The following SAMD3 variants were observed in gnomAD, a reference collection of about 807,000 sequenced individuals.
The protein encoded by SAMD3 is sterile alpha motif domain containing 3, also known as sterile alpha motif domain-containing protein 3.
Under a neutral mutation model 58.5 loss-of-function variants are expected in SAMD3, and 63 were observed. The observed-to-expected ratio is 1.08, with a 90% CI of 0.88 to 1.33. SAMD3 has a LOEUF of 1.33. SAMD3 is among the 40% of genes most tolerant of loss of function. The pLI is 0.00. For missense variants in SAMD3, 604 were observed against 608.4 expected (o/e 0.99, Z 0.08); for synonymous variants, 220 against 210.3 (o/e 1.05, Z -0.40).
chr6:130,271,356 C>CTA (rs1448663075), intron 2 of SAMD3, among the ~76,000 whole-genome samples: 10 of 152,248 alleles, frequency 6.6e-5, no homozygotes, highest in African/African-American at 2.4e-4. Context: ...TCCCTGTGTA[C>CTA]TATCAAGCTA....
At chr6:130,274,854 T>C (rs933535496) in intron 2 of SAMD3, among the ~76,000 whole-genome samples, 4 of 152,022 alleles carry the variant, frequency 2.6e-5, no homozygotes, top group African/African-American at 7.2e-5. Flanking sequence ...GATTGCAATG[T>C]CTCTTAAGAC....
At chr6:130,187,433 A>T (rs567509709) in intron 5 of SAMD3, among the ~76,000 whole-genome samples, 134 of 152,208 alleles carry the variant, frequency 8.8e-4, no homozygotes, top group Non-Finnish European at 1.5e-3. Context: ...CTCTAAATAG[A>T]GGTATTAGGA....
intron 2 of SAMD3, among the ~76,000 whole-genome samples, chr6:130,244,855 T>C (rs1008106556): frequency 2.6e-5 from 4 of 152,198 alleles, no homozygotes; most frequent in Non-Finnish European, 4.4e-5. Context: ...TAGAATCACA[T>C]AGAAGAAAGC....
chr6:130,251,768 T>G (rs1042855291), intron 2 of SAMD3, among the ~76,000 whole-genome samples: 11 of 152,174 alleles, frequency 7.2e-5, no homozygotes, highest in African/African-American at 2.7e-4. Flanking sequence ...TTCTGTAGCT[T>G]CGTAGCAAGT....
intron 11 of SAMD3, among the ~76,000 whole-genome samples, 166 bp downstream of exon 11, chr6:130,145,174 G>A (rs555736870): frequency 9.2e-5 from 14 of 152,274 alleles, no homozygotes; most frequent in East Asian, 5.8e-4. Context: ...CACGAGAATC[G>A]CTTGAACCAG....
chr6:130,193,136 A>G (rs1357485405), intron 5 of SAMD3, among the ~76,000 whole-genome samples: 3 of 152,028 alleles, frequency 2.0e-5, no homozygotes, highest in Non-Finnish European at 2.9e-5. Context: ...CTACACAGGG[A>G]CACCTGCCTT....
Position 130,146,082 on chromosome 6 carries a change from CTGAAAAAGAAGT to C in SAMD3, c.1111_1122del (p.Thr371_Ser374del). On this transcript the variant is annotated inframe_deletion, in exon 10 of 12. Transcript: ENST00000439090. ...ACAATATTGATTGGATTGTCCACCA[CTGAAAAAGAAGT>C]CAGTATATTTTCTGAATAGGATTCC... 6.2e-7 allele frequency: 1 copy of C among 1,601,962 alleles called. No individual in the cohort carries two copies. The highest frequency in any genetic ancestry group is 8.5e-7 in the Non-Finnish European group (1 of 1,174,052).
At chr6:130,349,818 C>G (rs1777596172) in intron 1 of SAMD3, among the ~76,000 whole-genome samples, 1 of 152,050 alleles carries the variant, frequency 6.6e-6, no homozygotes, top group Non-Finnish European at 1.5e-5. Flanking sequence ...TGCAAAAATC[C>G]TCAATAAAAT....
chr6:130,184,597 C>T lies in SAMD3; in HGVS notation c.410G>A (p.Arg137Lys), dbSNP rs1487856971. ...CTTCGTCCACTGTAATGCTTTGCTTCTTGCTAGAATTTGTTTCACATTTCT... is the reference window on the plus strand; with the variant it reads ...CTTCGTCCACTGTAATGCTTTGCTTTTTGCTAGAATTTGTTTCACATTTCT... ...QRRNVKQILA[R>K]SKALQWTKSY... is the part of the protein sequence containing the mutation. The change falls in exon 6 of 12, where the codon AGA (arginine) becomes AAA (lysine). Residue 137 changes from arginine (R) to lysine (K), a missense_variant. Physicochemically the swap from Arg to Lys is conservative, Grantham distance 26. Transcript: ENST00000439090. 8.1e-6 allele frequency: 13 copies of T among 1,608,604 alleles called. No homozygotes were observed. The highest frequency in any genetic ancestry group is 1.1e-5 in the Non-Finnish European group (13 of 1,177,716).
chr6:130,267,902 G>A lies in SAMD3; in HGVS notation c.-188+45076C>T, dbSNP rs144193856. ...AGACAGGAGTCTTGCTGATGCTCCCGGCCAAATAAACCCCTTCCTTCTTTA... is the reference window on the plus strand; with the variant it reads ...AGACAGGAGTCTTGCTGATGCTCCCAGCCAAATAAACCCCTTCCTTCTTTA... On this transcript the variant is annotated intron_variant, in intron 2 of 13. Transcript: ENST00000368134. Among the ~76,000 whole-genome samples the A allele has an allele frequency of 9.3e-3, 1,422 of 152,218 alleles. 19 individuals are homozygous for A. Among genetic ancestry groups the A allele is most frequent in the African/African-American group, 0.032 (1,311 of 41,524 alleles).
chr6:130,303,590 C>A (rs893246355), intron 2 of SAMD3, among the ~76,000 whole-genome samples: 1 of 152,120 alleles, frequency 6.6e-6, no homozygotes, highest in Non-Finnish European at 1.5e-5. Context: ...CAAATTTTTT[C>A]CTTTTCTTTA....
intron 2 of SAMD3, among the ~76,000 whole-genome samples, chr6:130,308,394 TATTCTATTCTA>T (rs1776006373): frequency 6.9e-6 from 1 of 144,190 alleles, no homozygotes; most frequent in African/African-American, 2.7e-5. Flanking sequence ...TATTCTATTC[TATTCTATTCTA>T]TTCTATTCTA....
chr6:130,241,431 G>T (rs1773355610), intron 2 of SAMD3, among the ~76,000 whole-genome samples: 2 of 151,904 alleles, frequency 1.3e-5, no homozygotes, highest in Admixed American at 6.6e-5. Context: ...GGCCAGGCTG[G>T]TCTTGAATCC....
At chr6:130,177,469 G>A (rs1188746291) in intron 7 of SAMD3, among the ~76,000 whole-genome samples, 3 of 152,090 alleles carry the variant, frequency 2.0e-5, no homozygotes, top group African/African-American at 7.2e-5. Flanking sequence ...TTCCACTGCT[G>A]GGCCTTCAGT....
At chr6:130,206,384 G>A (rs1795080680) in intron 5 of SAMD3, among the ~76,000 whole-genome samples, 1 of 152,176 alleles carries the variant, frequency 6.6e-6, no homozygotes, top group Non-Finnish European at 1.5e-5. Context: ...AAGGAAATGA[G>A]GCCAACTAGA....
intron 2 of SAMD3, among the ~76,000 whole-genome samples, chr6:130,300,939 T>C (rs897101287): frequency 3.3e-5 from 5 of 152,148 alleles, no homozygotes; most frequent in African/African-American, 1.2e-4. Context: ...TCATTTACAT[T>C]AGGTATTTCA....
At position 130,183,997 on chromosome 6, in the gene SAMD3, A is replaced by C. The variant is rs1176401670; in HGVS notation, c.654+106T>G. 7.4e-6 allele frequency: 6 copies of C among 811,746 alleles called. No individual in the cohort carries two copies. The South Asian group carries it at 8.7e-5, about 12-fold the overall frequency. 50.3% of individuals were successfully genotyped at this position (811,746 alleles called of 1,614,324 possible). On this transcript the variant is annotated intron_variant, in intron 7 of 11. Coordinates refer to ENST00000439090, the MANE Select transcript of SAMD3 (RefSeq NM_001017373.4). The stretch of plus-strand genomic sequence containing the variant: ...CATAGACAGAATGAGAGAGAGAGAG[A>C]GAGACACCAAGAAAAGATGGGTGAA...
chr6:130,315,131 G>GTGTA (rs1184217805), intron 1 of SAMD3, among the ~76,000 whole-genome samples: 26 of 152,006 alleles, frequency 1.7e-4, no homozygotes, highest in African/African-American at 5.8e-4. Flanking sequence ...AATATTTTTG[G>GTGTA]CTTATATTGG....
chr6:130,309,680 T>A (rs554287004), intron 2 of SAMD3, among the ~76,000 whole-genome samples: 1 of 152,178 alleles, frequency 6.6e-6, no homozygotes, highest in African/African-American at 2.4e-5. Context: ...TCCTGGCACC[T>A]TACCAGAGGA....
Sources: allele counts gnomAD v4.1 joint callset (sites outside exome capture counted in the v4.1 genomes callset), GRCh38; gene constraint gnomAD v4.1.1; transcripts MANE v1.5; gene names NCBI Gene and HGNC (gene_info 2026-07-23, HGNC 2026-07-21).